The following STARD13 variants were observed in gnomAD, a reference collection of about 807,000 sequenced individuals.
STARD13 encodes StAR related lipid transfer domain containing 13.
In STARD13, 62 loss-of-function variants were observed where a neutral mutation model predicts 106.4. The observed-to-expected ratio is 0.58, with a 90% CI of 0.48 to 0.72. STARD13 has a LOEUF of 0.72. STARD13 is among the 30% of genes least tolerant of loss of function. The pLI is 0.00. For synonymous variants in STARD13, 565 were observed against 553.0 expected (o/e 1.02, Z -0.31); for missense variants, 1,387 against 1,424.0 (o/e 0.97, Z 0.42).
the STARD13 span, among the ~76,000 whole-genome samples, chr13:33,523,984 T>G: frequency 1.6e-4 from 24 of 152,134 alleles, no homozygotes; most frequent in African/African-American, 5.3e-4. Context: ...ATGGTTACAA[T>G]GGACTAACCG....
intron 3 of STARD13, among the ~76,000 whole-genome samples, chr13:33,161,869 A>G (rs1882669480): frequency 6.6e-6 from 1 of 152,154 alleles, no homozygotes; most frequent in South Asian, 2.1e-4. Context: ...GGTGGTGACA[A>G]GAGAAAATGA....
the STARD13 span, among the ~76,000 whole-genome samples, chr13:33,400,629 T>A: frequency 1.3e-5 from 2 of 151,860 alleles, no homozygotes; most frequent in African/African-American, 4.8e-5. Context: ...CCCAGCTAAT[T>A]TTTTTTTGTA....
the STARD13 span, among the ~76,000 whole-genome samples, chr13:33,397,791 A>T: frequency 6.6e-5 from 10 of 152,166 alleles, no homozygotes; most frequent in Non-Finnish European, 1.3e-4. Flanking sequence ...ACAATCTGGA[A>T]GCTGGGCAAT....
chr13:33,146,689 C>T (rs1449818576), intron 3 of STARD13, among the ~76,000 whole-genome samples: 5 of 152,102 alleles, frequency 3.3e-5, no homozygotes, highest in African/African-American at 1.2e-4. Flanking sequence ...ATAAAATCAA[C>T]AAAAGTACTG....
At chr13:33,258,401 T>C (rs1890475100) in intron 1 of STARD13, among the ~76,000 whole-genome samples, 1 of 151,916 alleles carries the variant, frequency 6.6e-6, no homozygotes, top group Non-Finnish European at 1.5e-5. Context: ...CGATTCAACT[T>C]AGAAATAGTT....
chr13:33,272,365 T>C (rs1347587771), intron 1 of STARD13: 1 of 152,230 alleles, frequency 6.6e-6, no homozygotes, highest in Non-Finnish European at 1.5e-5. Context: ...CGTTTCAGAC[T>C]TTGAATTTTC....
At chr13:33,555,072 C>T in the STARD13 span, among the ~76,000 whole-genome samples, 1 of 152,150 alleles carries the variant, frequency 6.6e-6, no homozygotes, top group Non-Finnish European at 1.5e-5. Context: ...AAACTCCGCA[C>T]TAGGTCATGT....
chr13:33,507,521 C>T, the STARD13 span, among the ~76,000 whole-genome samples: 1 of 152,070 alleles, frequency 6.6e-6, no homozygotes, highest in East Asian at 1.9e-4. Context: ...GTTAAAAGGG[C>T]TCTTGAGGCC....
intron 1 of STARD13, among the ~76,000 whole-genome samples, chr13:33,168,985 C>T (rs1016441937): frequency 4.6e-5 from 7 of 152,218 alleles, no homozygotes; most frequent in African/African-American, 1.4e-4. Flanking sequence ...GAACGCCTGC[C>T]TCTTCTGTCA....
chr13:33,663,699 G>C, the STARD13 span, among the ~76,000 whole-genome samples: 1 of 152,210 alleles, frequency 6.6e-6, no homozygotes, highest in Non-Finnish European at 1.5e-5. Context: ...CATTGCCCAA[G>C]TGTTCTACGA....
At chr13:33,470,005 T>C in the STARD13 span, among the ~76,000 whole-genome samples, 1 of 152,166 alleles carries the variant, frequency 6.6e-6, no homozygotes, top group Non-Finnish European at 1.5e-5. Context: ...GCTGCACCCA[T>C]CAACCCATCA....
At chr13:33,495,229 T>TA in the STARD13 span, among the ~76,000 whole-genome samples, 1 of 152,230 alleles carries the variant, frequency 6.6e-6, no homozygotes, top group Admixed American at 6.5e-5. Flanking sequence ...ACCTGTCAAT[T>TA]AAAAAACTAT....
At chr13:33,196,865 C>T (rs1886659982) in intron 1 of STARD13, among the ~76,000 whole-genome samples, 1 of 152,170 alleles carries the variant, frequency 6.6e-6, no homozygotes, top group Admixed American at 6.5e-5. Context: ...AAGAAGCCAA[C>T]TGAACTAGTG....
intron 1 of STARD13, among the ~76,000 whole-genome samples, chr13:33,244,014 T>C (rs1889696921): frequency 1.1e-5 from 1 of 95,050 alleles, no homozygotes; most frequent in Non-Finnish European, 2.5e-5. Context: ...AGATTCCGGC[T>C]CTTTTTTTTT....
At chr13:33,626,260 A>G in the STARD13 span, among the ~76,000 whole-genome samples, 1 of 152,180 alleles carries the variant, frequency 6.6e-6, no homozygotes, top group Non-Finnish European at 1.5e-5. Flanking sequence ...AAGTCAAACT[A>G]TCTAATCTTT....
intron 1 of STARD13, among the ~76,000 whole-genome samples, chr13:33,240,840 T>C (rs890844185): frequency 6.6e-6 from 1 of 152,186 alleles, no homozygotes; most frequent in Admixed American, 6.5e-5. Context: ...ATAAGTAGTA[T>C]TGTTTTCTTA....
intron 1 of STARD13, among the ~76,000 whole-genome samples, chr13:33,279,188 CCT>C (rs1179401577): frequency 3.9e-5 from 6 of 152,030 alleles, no homozygotes; most frequent in Non-Finnish European, 8.8e-5. Flanking sequence ...TATTTATGTC[CCT>C]TTATATAAGA....
the STARD13 span, among the ~76,000 whole-genome samples, chr13:33,471,170 G>A: frequency 6.6e-6 from 1 of 152,114 alleles, no homozygotes; most frequent in African/African-American, 2.4e-5. Flanking sequence ...AGGTTTTAAG[G>A]AACTACTGCT....
the STARD13 span, among the ~76,000 whole-genome samples, chr13:33,465,274 C>T: frequency 1.4e-3 from 202 of 145,196 alleles, no homozygotes; most frequent in African/African-American, 5.2e-3. Context: ...GGCGCGATCT[C>T]GGCTCACTGC....
Sources: gnomAD v4.1 joint callset for allele counts (sites outside exome capture counted in the v4.1 genomes callset) on GRCh38, gnomAD v4.1.1 for gene constraint, MANE v1.5 for transcripts, NCBI Gene and HGNC (gene_info 2026-07-23, HGNC 2026-07-21) for gene names.